Variants in REDIC1 observed in about 807,000 individuals in gnomAD.
The protein encoded by REDIC1 is HEI10 Interacting Protein 1.
chr12:39,799,385 C>T, the REDIC1 span, among the ~76,000 whole-genome samples: 1 of 150,626 alleles, frequency 6.6e-6, no homozygotes, highest in Admixed American at 6.7e-5. Context: ...GCTGGAATTA[C>T]AGGCATGAGC....
At chr12:39,790,348 C>T in the REDIC1 span, among the ~76,000 whole-genome samples, 6 of 149,154 alleles carry the variant, frequency 4.0e-5, no homozygotes, top group East Asian at 4.0e-4. Context: ...TTAGGTATAT[C>T]TCCCAATGCT....
the REDIC1 span, among the ~76,000 whole-genome samples, chr12:39,789,462 A>G: frequency 6.6e-6 from 1 of 152,106 alleles, no homozygotes; most frequent in African/African-American, 2.4e-5. Flanking sequence ...CCCCCTACTC[A>G]TTTCCAGTTT....
chr12:39,658,948 G>C, the REDIC1 span, among the ~76,000 whole-genome samples: 1 of 151,922 alleles, frequency 6.6e-6, no homozygotes, highest in Non-Finnish European at 1.5e-5. Flanking sequence ...AGCTAAATAA[G>C]AAAATATGTT....
At chr12:39,711,809 A>ATGTGTGTGTACACATGCATGTGTG in the REDIC1 span, among the ~76,000 whole-genome samples, 9 of 75,712 alleles carry the variant, frequency 1.2e-4, no homozygotes, top group African/African-American at 3.7e-4. Context: ...ATGCATGTGT[A>ATGTGTGTGTACACATGCATGTGTG]TGTGTGTACA....
the REDIC1 span, among the ~76,000 whole-genome samples, chr12:39,680,563 G>A: frequency 6.6e-6 from 1 of 152,192 alleles, no homozygotes; most frequent in African/African-American, 2.4e-5. Context: ...ATGGAAAACA[G>A]TATGGAGACT....
chr12:39,787,643 C>G, the REDIC1 span, among the ~76,000 whole-genome samples: 3 of 152,074 alleles, frequency 2.0e-5, no homozygotes, highest in African/African-American at 7.2e-5. Context: ...TTACTCATTT[C>G]TATTCAGTAA....
chr12:39,702,073 A>G, the REDIC1 span, among the ~76,000 whole-genome samples: 3 of 152,164 alleles, frequency 2.0e-5, no homozygotes, highest in Non-Finnish European at 4.4e-5. Context: ...AGCGGAAGGC[A>G]AGAAATAACT....
chr12:39,732,991 T>TG, the REDIC1 span, among the ~76,000 whole-genome samples: 1 of 151,906 alleles, frequency 6.6e-6, no homozygotes, highest in African/African-American at 2.4e-5. Flanking sequence ...AGGTGATACT[T>TG]CAAGTCCACA....
chr12:39,706,541 T>C, the REDIC1 span, among the ~76,000 whole-genome samples: 847 of 152,050 alleles, frequency 5.6e-3, 8 homozygotes, highest in African/African-American at 0.019. Context: ...AATAGCATTC[T>C]CTTACTTCAA....
At chr12:39,873,036 C>T in the REDIC1 span, among the ~76,000 whole-genome samples, 9 of 152,150 alleles carry the variant, frequency 5.9e-5, no homozygotes, top group Non-Finnish European at 1.0e-4. Flanking sequence ...GTTTAAGTCT[C>T]ATTGATTCAT....
chr12:39,701,734 A>G, the REDIC1 span, among the ~76,000 whole-genome samples: 18 of 152,200 alleles, frequency 1.2e-4, no homozygotes, highest in Admixed American at 3.3e-4. Context: ...ACTATAACAA[A>G]TGGTCTCTCA....
the REDIC1 span, among the ~76,000 whole-genome samples, chr12:39,868,626 T>A: frequency 6.6e-6 from 1 of 152,152 alleles, no homozygotes; most frequent in Admixed American, 6.5e-5. Flanking sequence ...TTCAGAAATA[T>A]TACACTACCA....
the REDIC1 span, among the ~76,000 whole-genome samples, chr12:39,636,331 A>C: frequency 6.6e-6 from 1 of 152,038 alleles, no homozygotes; most frequent in Non-Finnish European, 1.5e-5. Context: ...TTTTTTTGGT[A>C]ATTCATACTT....
the REDIC1 span, among the ~76,000 whole-genome samples, chr12:39,663,328 C>T: frequency 2.0e-5 from 3 of 151,926 alleles, no homozygotes; most frequent in Non-Finnish European, 2.9e-5. Context: ...AATGTTGTAT[C>T]CTCCTGCTGA....
the REDIC1 span, among the ~76,000 whole-genome samples, chr12:39,727,059 A>G: frequency 1.3e-5 from 2 of 152,094 alleles, no homozygotes; most frequent in African/African-American, 2.4e-5. Context: ...CAGATTCTGG[A>G]TATTAGCCCT....
the REDIC1 span, among the ~76,000 whole-genome samples, chr12:39,638,430 T>C: frequency 6.6e-6 from 1 of 152,014 alleles, no homozygotes; most frequent in African/African-American, 2.4e-5. Context: ...ATTTTGGCCA[T>C]ATTCCCAAAA....
At chr12:39,700,536 C>A in the REDIC1 span, among the ~76,000 whole-genome samples, 1 of 152,194 alleles carries the variant, frequency 6.6e-6, no homozygotes, top group Admixed American at 6.5e-5. Context: ...AGCAGAACTT[C>A]CCAATCTAGC....
the REDIC1 span, chr12:39,626,292 C>G: frequency 6.2e-7 from 1 of 1,612,784 alleles, no homozygotes; most frequent in Non-Finnish European, 8.5e-7. Context: ...GCTGAGATGT[C>G]TGAGCTCTAG....
At chr12:39,663,711 C>T in the REDIC1 span, among the ~76,000 whole-genome samples, 4 of 151,878 alleles carry the variant, frequency 2.6e-5, no homozygotes, top group Admixed American at 2.0e-4. Context: ...ACATTTGAGT[C>T]GTTTTTCTTC....
Sources: gnomAD v4.1 joint callset for allele counts (sites outside exome capture counted in the v4.1 genomes callset) on GRCh38, gnomAD v4.1.1 for gene constraint, MANE v1.5 for transcripts, NCBI Gene and HGNC (gene_info 2026-07-23, HGNC 2026-07-21) for gene names.